The following RIMKLA variants were observed in gnomAD, a reference collection of about 807,000 sequenced individuals.
RIMKLA encodes the protein ribosomal modification protein rimK like family member A, also known as N-acetylaspartylglutamate synthase A.
Under a neutral mutation model 32.7 loss-of-function variants are expected in RIMKLA, and 14 were observed. That is an observed-to-expected ratio of 0.43 (90% CI 0.28 to 0.67). The LOEUF is 0.67. RIMKLA is among the 30% of genes least tolerant of loss of function. The probability of loss-of-function intolerance (pLI) is 0.18; values close to 1 mark genes in which losing one functional copy is unlikely to be tolerated. For synonymous variants in RIMKLA, 176 were observed against 204.1 expected, an observed-to-expected ratio of 0.86 and a Z score of 1.18; for missense variants, 410 against 519.0, an observed-to-expected ratio of 0.79 and a Z score of 2.04.
chr1:42,399,670 C>A, intron 2 of RIMKLA, 36 bp downstream of exon 2: 2 of 1,292,496 alleles, frequency 1.5e-6, no homozygotes, highest in South Asian at 1.3e-5. Flanking sequence ...AAATCATGTG[C>A]ATCTCTGTTT....
intron 3 of RIMKLA, among the ~76,000 whole-genome samples, chr1:42,409,676 T>C (rs1177858388): frequency 6.6e-6 from 1 of 152,224 alleles, no homozygotes; most frequent in African/African-American, 2.4e-5. Flanking sequence ...TTAACTGTTT[T>C]GGGCACTGAA....
In RIMKLA at chr1:42,409,201, C is replaced by CAA. The variant is rs59543497; in HGVS notation, c.482-754_482-753dup. On this transcript the variant is annotated intron_variant, in intron 3 of 4. Transcript: ENST00000431473. ...TGGGTGACAGAGCGAGACTCTGTCT[C>CAA]AAAAAAAAAAAAAAAAAAAAAAAAA... 2.1e-3 allele frequency among the ~76,000 whole-genome samples: 133 copies of CAA among 64,482 alleles called. 12 individuals carry two copies. Among genetic ancestry groups the CAA allele is most frequent in the African/African-American group, 7.5e-3 (112 of 14,836 alleles). The allele number at this position is 64,482 out of a possible 152,430, so 42.3% of individuals were successfully genotyped here.
chr1:42,396,709 T>C (rs1259128692), intron 1 of RIMKLA, among the ~76,000 whole-genome samples: 2 of 152,230 alleles, frequency 1.3e-5, no homozygotes, highest in African/African-American at 2.4e-5. Context: ...AAAGCTGTTT[T>C]TCTTGTGAGG....
intron 1 of RIMKLA, among the ~76,000 whole-genome samples, chr1:42,385,717 C>CTCTTTCTTTCTTTCTTTCTTTCTT (rs35500484): frequency 1.0e-4 from 11 of 109,126 alleles, no homozygotes; most frequent in East Asian, 4.9e-4. Context: ...TTCTTTCCTT[C>CTCTTTCTTTCTTTCTTTCTTTCTT]TCTTTCTTTC....
chr1:42,410,045 C>G lies in RIMKLA; in HGVS notation c.543C>G (p.Arg181=). Residue 181 remains arginine (R), a synonymous_variant, in exon 4 of 5, where the codon CGC becomes CGG. Transcript: ENST00000431473. ...HHLSDICHLI[R]HDVPYLFQKY... is the part of the protein sequence containing the mutation. ...TCTCTGACATCTGCCATCTGATCCG[C>G]CACGATGTGCCCTACCTGTTCCAGA... The G allele has an allele frequency of 6.2e-7, 1 of 1,614,150 alleles. No individual in the cohort carries two copies. Among genetic ancestry groups the G allele is most frequent in the Non-Finnish European group, 8.5e-7 (1 of 1,180,008 alleles).
chr1:42,402,851 C>T (rs528448165), intron 2 of RIMKLA, among the ~76,000 whole-genome samples: 4 of 152,204 alleles, frequency 2.6e-5, no homozygotes, highest in South Asian at 4.1e-4. Flanking sequence ...TCGGCGCCCA[C>T]GAAGTGCTGG....
At chr1:42,392,390 C>T (rs1175235885) in intron 1 of RIMKLA, among the ~76,000 whole-genome samples, 3 of 152,184 alleles carry the variant, frequency 2.0e-5, no homozygotes, top group Non-Finnish European at 4.4e-5. Flanking sequence ...TGTTGTCTGT[C>T]TTCTTAAATT....
At chr1:42,381,374 C>G (rs1642887717) in intron 1 of RIMKLA, among the ~76,000 whole-genome samples, 3 of 152,212 alleles carry the variant, frequency 2.0e-5, no homozygotes, top group Admixed American at 6.5e-5. Flanking sequence ...CCTGAAGCCA[C>G]CCAGGTGTCC....
At chr1:42,398,919 A>G (rs1402378251) in intron 1 of RIMKLA, among the ~76,000 whole-genome samples, 2 of 147,056 alleles carry the variant, frequency 1.4e-5, no homozygotes, top group Non-Finnish European at 3.0e-5. Context: ...GTGAGCCAAG[A>G]TGATGCCACT....
chr1:42,401,701 G>A (rs1195449807), intron 2 of RIMKLA, among the ~76,000 whole-genome samples: 2 of 152,170 alleles, frequency 1.3e-5, no homozygotes, highest in African/African-American at 4.8e-5. Context: ...AAATAAATGG[G>A]AAGTTAGGAA....
intron 4 of RIMKLA, among the ~76,000 whole-genome samples, chr1:42,413,017 C>G (rs1283664352): frequency 9.2e-5 from 14 of 152,100 alleles, no homozygotes; most frequent in African/African-American, 3.4e-4. Flanking sequence ...GCCTGTAGTC[C>G]TAGCTACTTG....
In RIMKLA at chr1:42,400,130, CAA is replaced by C. The variant is rs1286306378; in HGVS notation, c.394+497_394+498del. Among the ~76,000 whole-genome samples, 5 of 152,136 alleles carry C rather than the reference CAA, an allele frequency of 3.3e-5. No individual in the cohort carries two copies. In the East Asian group the frequency reaches 7.7e-4, roughly 23 times the overall value. On this transcript the variant is annotated intron_variant, in intron 2 of 4. Coordinates refer to ENST00000431473, the MANE Select transcript of RIMKLA (RefSeq NM_173642.4). ...AGATGGTGGAAGGGAGGTAATGTAA[CAA>C]GAGAGCAGAATATAGAAAGACCCAG...
chr1:42,414,363 C>T, intron 4 of RIMKLA, 121 bp from the exon 5 acceptor site: 1 of 1,026,984 alleles, frequency 9.7e-7, no homozygotes, highest in Non-Finnish European at 1.4e-6. Context: ...TCCATCCAGA[C>T]CTTTTGTGAT....
chr1:42,387,514 T>G (rs1642960807), intron 1 of RIMKLA, among the ~76,000 whole-genome samples: 1 of 152,226 alleles, frequency 6.6e-6, no homozygotes, highest in South Asian at 2.1e-4. Context: ...TTGTTAATAC[T>G]TTAGTATACT....
intron 1 of RIMKLA, among the ~76,000 whole-genome samples, chr1:42,397,837 C>T (rs1643061187): frequency 6.6e-6 from 1 of 152,190 alleles, no homozygotes; most frequent in Non-Finnish European, 1.5e-5. Flanking sequence ...TTGCCCTACT[C>T]ATGCCATATC....
rs1325983577 is a variant in RIMKLA at position 42,416,088 on chromosome 1, G to T, written c.*1114G>T. The T allele has an allele frequency of 3.5e-5, 1 of 28,574 alleles. No individual in the cohort carries two copies. Among genetic ancestry groups the T allele is most frequent in the African/African-American group, 1.4e-4 (1 of 7,128 alleles). 1.8% of individuals were successfully genotyped at this position (28,574 alleles called of 1,614,324 possible). On this transcript the variant is annotated 3_prime_UTR_variant, in exon 5 of 5. Coordinates refer to ENST00000431473, the MANE Select transcript of RIMKLA (RefSeq NM_173642.4). Reference sequence around the variant, plus strand: ...AGGAATTACCCATTGCACATTTTGCGGGGGGGGGGGCTAATGTAGACATGA... The same window carrying T: ...AGGAATTACCCATTGCACATTTTGCTGGGGGGGGGGCTAATGTAGACATGA...
intron 1 of RIMKLA, among the ~76,000 whole-genome samples, chr1:42,394,265 T>C (rs1643023433): frequency 1.3e-5 from 2 of 152,250 alleles, no homozygotes; most frequent in Admixed American, 6.5e-5. Flanking sequence ...GTTTTGTACA[T>C]GAAGGTTTTT....
chr1:42,407,187 T>G (rs1643154663), intron 3 of RIMKLA, among the ~76,000 whole-genome samples: 1 of 152,204 alleles, frequency 6.6e-6, no homozygotes, highest in Non-Finnish European at 1.5e-5. Context: ...ATTACAGGCG[T>G]GAGCCACTGC....
Position 42,411,545 on chromosome 1 carries a change from C to T in RIMKLA, c.685+1358C>T, listed in dbSNP as rs1643197534. Among the ~76,000 whole-genome samples, 4 of 151,792 alleles carry T rather than the reference C, an allele frequency of 2.6e-5. No homozygotes were observed. In the South Asian group the frequency reaches 8.3e-4, roughly 32 times the overall value. On this transcript the variant is annotated intron_variant, in intron 4 of 4. Transcript: ENST00000431473. The stretch of plus-strand genomic sequence containing the variant: ...GCGTGATCCCAGCTCACTGCAACCT[C>T]CGCCTCCCAGGTTCAAGCAATTCTC...
Sources: allele counts gnomAD v4.1 joint callset (sites outside exome capture counted in the v4.1 genomes callset), GRCh38; gene constraint gnomAD v4.1.1; transcripts MANE v1.5; gene names NCBI Gene and HGNC (gene_info 2026-07-23, HGNC 2026-07-21).